Variants in HNRNPH1 observed in about 807,000 individuals in gnomAD.
HNRNPH1 encodes the protein heterogeneous nuclear ribonucleoprotein H1.
A neutral mutation model predicts 58.6 loss-of-function variants in HNRNPH1; 4 were observed. The observed-to-expected ratio is 0.07, with a 90% confidence interval of 0.03 to 0.16. The LOEUF (loss-of-function observed/expected upper bound fraction) is 0.16, where lower values mean the gene tolerates loss of function less well. HNRNPH1 is among the 10% of genes least tolerant of loss of function. HNRNPH1 has a pLI of 1.00. For missense variants in HNRNPH1, 271 were observed against 564.2 expected, an observed-to-expected ratio of 0.48 and a Z score of 5.26; for synonymous variants, 192 against 189.2, an observed-to-expected ratio of 1.01 and a Z score of -0.12.
upstream of HNRNPH1, among the ~76,000 whole-genome samples, chr5:179,624,950 G>A (rs1236774830): frequency 6.6e-6 from 1 of 152,212 alleles, no homozygotes; most frequent in East Asian, 1.9e-4. Flanking sequence ...GGAGCCCAGA[G>A]CTAAGCAGGG....
chr5:179,616,702 A>T (rs952278115), intron 10 of HNRNPH1, 167 bp downstream of exon 11: 64 of 646,342 alleles, frequency 9.9e-5, no homozygotes, highest in Admixed American at 2.7e-4. Context: ...AAGGAACTTC[A>T]TAACTCACAA....
intron 11 of HNRNPH1, 105 bp downstream of exon 12, chr5:179,616,021 C>G: frequency 1.0e-6 from 1 of 1,003,036 alleles, no homozygotes; most frequent in Non-Finnish European, 1.6e-6. Context: ...CTGCCTGCGA[C>G]TTACTCTAAG....
At chr5:179,621,396 G>C (rs1338613658) in exon 2 of HNRNPH1, 2 of 1,612,482 alleles carry the variant, frequency 1.2e-6, no homozygotes, top group East Asian at 2.2e-5. Context: ...GAATTTTGCA[G>C]TCTGGAAAGA....
exon 13 of HNRNPH1, chr5:179,614,806 A>AAAT: frequency 4.1e-6 from 3 of 738,328 alleles, no homozygotes; most frequent in Non-Finnish European, 6.3e-6. Flanking sequence ...AAAAAAAAAA[A>AAAT]GGTTGACCAA....
chr5:179,627,104 G>C (rs929778592), upstream of HNRNPH1, among the ~76,000 whole-genome samples: 4 of 152,258 alleles, frequency 2.6e-5, no homozygotes, highest in Middle Eastern at 3.4e-3. Context: ...ACTTCTTACA[G>C]TTTACAGAGC....
intron 1 of HNRNPH1, chr5:179,621,753 GT>G: frequency 2.7e-6 from 1 of 372,612 alleles, no homozygotes; most frequent in Non-Finnish European, 5.2e-6. Context: ...GTTGCGAGCT[GT>G]TTTGGTCTGG....
intron 7 of HNRNPH1, 67 bp downstream of exon 8, chr5:179,617,732 A>C (rs1770481460): frequency 6.2e-7 from 1 of 1,607,050 alleles, no homozygotes; most frequent in African/African-American, 1.3e-5. Flanking sequence ...TAGTGCTCAC[A>C]TTTATAGAAT....
At chr5:179,616,269 C>G (rs375204697) in intron 10 of HNRNPH1, 51 bp from the exon 12 acceptor site, 8 of 1,379,652 alleles carry the variant, frequency 5.8e-6, no homozygotes, top group African/African-American at 2.8e-5. Flanking sequence ...GATGTGGTAC[C>G]TGGTGGTACC....
intron 3 of HNRNPH1, 56 bp downstream of exon 4, chr5:179,620,836 C>A: frequency 6.5e-7 from 1 of 1,536,276 alleles, no homozygotes; most frequent in Non-Finnish European, 9.0e-7. Context: ...TCTATTAAAT[C>A]ACCTTGCCAT....
chr5:179,620,663 A>G (rs1771914148), intron 3 of HNRNPH1: 2 of 500,064 alleles, frequency 4.0e-6, no homozygotes, highest in Admixed American at 3.5e-5. Flanking sequence ...TGAAAGATCT[A>G]CTCTGAACTA....
chr5:179,625,472 AC>A (rs1273208774), upstream of HNRNPH1, among the ~76,000 whole-genome samples: 9 of 148,182 alleles, frequency 6.1e-5, no homozygotes, highest in Admixed American at 2.0e-4. Context: ...AGCCTGGGCT[AC>A]AAAGACTCCC....
At chr5:179,628,592 A>G (rs955192687), upstream of HNRNPH1, among the ~76,000 whole-genome samples, 7 of 152,000 alleles carry the variant, frequency 4.6e-5, no homozygotes, top group African/African-American at 1.7e-4. Flanking sequence ...CAGCCTCCCA[A>G]ATTGCTGGGA....
chr5:179,618,522 G>T, intron 4 of HNRNPH1, 199 bp from the exon 6 acceptor site: 58 of 288,452 alleles, frequency 2.0e-4, no homozygotes, highest in Middle Eastern at 9.9e-4. Context: ...AAACTTTATA[G>T]AAAAAAAAAA....
In HNRNPH1 at chr5:179,620,747, TGAA is replaced by T; in HGVS notation, c.397+142_397+144del. 4.5e-6 allele frequency: 3 copies of T among 667,736 alleles called. No homozygotes were observed. The South Asian group carries it at 6.0e-5, about 13-fold the overall frequency. The allele number at this position is 667,736 out of a possible 1,614,324, so 41.4% of individuals were successfully genotyped here. A position where few individuals can be genotyped will look rare whatever the true frequency, so the allele number is the denominator to read the frequency against. The stretch of plus-strand genomic sequence containing the variant: ...ACCTTTAAGATGGGCTTAAATTATT[TGAA>T]GGTCTCTAGGAAGAAAACATTAATT... On this transcript the variant is annotated intron_variant, in intron 3 of 12. Coordinates refer to ENST00000356731, the Ensembl canonical transcript of HNRNPH1.
At chr5:179,619,160 A>G (rs184198019) in intron 4 of HNRNPH1, 109 bp downstream of exon 5, 1 of 953,608 alleles carries the variant, frequency 1.0e-6, no homozygotes, top group African/African-American at 1.7e-5. Flanking sequence ...GCAAAACATC[A>G]ATTACCTAGG....
upstream of HNRNPH1, among the ~76,000 whole-genome samples, chr5:179,627,997 A>G (rs1050989323): frequency 6.8e-6 from 1 of 146,876 alleles, no homozygotes; most frequent in Non-Finnish European, 1.5e-5. Flanking sequence ...TAATTTTTGT[A>G]TTTTTAGTAG....
chr5:179,625,838 G>A (rs1191449754), upstream of HNRNPH1, among the ~76,000 whole-genome samples: 1 of 151,948 alleles, frequency 6.6e-6, no homozygotes, highest in Non-Finnish European at 1.5e-5. Context: ...GTGCAAACAT[G>A]GCTCACCACA....
chr5:179,615,520 T>C (rs772388866), intron 12 of HNRNPH1, 26 bp downstream of exon 13: 2 of 1,250,210 alleles, frequency 1.6e-6, no homozygotes, highest in African/African-American at 1.5e-5. Context: ...CTATTGGGAA[T>C]TTATATTTTT....
At chr5:179,616,244 C>T in intron 10 of HNRNPH1, 26 bp from the exon 12 acceptor site, 2 of 1,577,780 alleles carry the variant, frequency 1.3e-6, no homozygotes, top group Non-Finnish European at 1.7e-6. Context: ...AACATTAGAA[C>T]CTTTTTTCTT....
Sources: gnomAD v4.1 joint callset for allele counts (sites outside exome capture counted in the v4.1 genomes callset) on GRCh38, gnomAD v4.1.1 for gene constraint, MANE v1.5 for transcripts, NCBI Gene and HGNC (gene_info 2026-07-23, HGNC 2026-07-21) for gene names.